DNPEP: variants seen among roughly 807,000 people sequenced by gnomAD.
DNPEP encodes aspartyl aminopeptidase.
In DNPEP, 46 loss-of-function variants were observed where a neutral mutation model predicts 59.1. The observed-to-expected ratio is 0.78, with a 90% confidence interval of 0.61 to 0.99. The LOEUF (loss-of-function observed/expected upper bound fraction) is 0.99. Ranked by LOEUF, DNPEP falls within the 50% of genes least tolerant of loss-of-function variation. The pLI is 0.00. For synonymous variants in DNPEP, 229 were observed against 242.2 expected (o/e 0.95, Z 0.50); for missense variants, 617 against 649.9 (o/e 0.95, Z 0.55).
upstream of DNPEP, among the ~76,000 whole-genome samples, chr2:219,389,288 C>T: frequency 6.6e-6 from 1 of 152,144 alleles, no homozygotes. Context: ...GATCAGGACT[C>T]TTGGTGGCCT....
In DNPEP at chr2:219,374,884, C is replaced by G; in HGVS notation, c.1378G>C (p.Gly460Arg). 1.2e-6 allele frequency: 2 copies of G among 1,614,184 alleles called. No homozygotes were observed. The highest frequency in any genetic ancestry group is 1.3e-5 in the African/African-American group (1 of 75,046). Residue 460 changes from glycine to arginine, a missense_variant, in exon 14 of 15, where the codon GGA becomes CGA. By Grantham distance (125) the Gly-to-Arg change is moderately radical (BLOSUM62 -2). Transcript: ENST00000273075. ...HSIREMACTT[G>R]VLQTLTLFKG... is the part of the protein sequence containing the mutation. ...AAGAGGGTGAGGGTCTGGAGGACTCCTGTGGTGCAGGCCATCTCCCGGATA... is the reference window on the plus strand; with the variant it reads ...AAGAGGGTGAGGGTCTGGAGGACTCGTGTGGTGCAGGCCATCTCCCGGATA...
At chr2:219,375,316 A>G (rs1264858173) in intron 13 of DNPEP, among the ~76,000 whole-genome samples, 1 of 152,302 alleles carries the variant, frequency 6.6e-6, no homozygotes, top group East Asian at 1.9e-4. Flanking sequence ...CACTCACAGA[A>G]AAAAATCACT....
At chr2:219,386,533 G>T in intron 4 of DNPEP, 122 bp from the exon 5 acceptor site, 1 of 1,490,440 alleles carries the variant, frequency 6.7e-7, no homozygotes, top group East Asian at 2.3e-5. Context: ...AAGGTGTGAA[G>T]GAAGGGGCCA....
At chr2:219,383,243 A>G in intron 9 of DNPEP, 29 bp from the exon 10 acceptor site, 2 of 1,600,846 alleles carry the variant, frequency 1.2e-6, no homozygotes, top group Non-Finnish European at 1.7e-6. Flanking sequence ...TGAGAGCATC[A>G]TCTCCAACCT....
In DNPEP at chr2:219,382,121, G is replaced by A; in HGVS notation, c.955C>T (p.Gln319Ter). 6.2e-7 allele frequency: 1 copy of A among 1,611,836 alleles called. No individual in the cohort carries two copies. The highest frequency in any genetic ancestry group is 8.5e-7 in the Non-Finnish European group (1 of 1,180,016). ...DNEEVGSESAQGAQSLLTELV... is the reference protein window; with the variant it reads ...DNEEVGSESA Reference sequence around the variant, plus strand: ...TCTGTCAGCAGTGACTGTGCTCCCTGTGCACTCTCAGACCCCACCTGGCGA... The same window carrying A: ...TCTGTCAGCAGTGACTGTGCTCCCTATGCACTCTCAGACCCCACCTGGCGA... The change falls in exon 11 of 15, where the codon CAG (glutamine) becomes TAG (stop). Residue 319 changes from glutamine (Q) to a stop codon, truncating the protein, a stop_gained. Transcript: ENST00000273075. LOFTEE classifies it high-confidence loss of function.
intron 1 of DNPEP, among the ~76,000 whole-genome samples, chr2:219,398,378 G>T (rs528172131): frequency 1.3e-5 from 2 of 152,202 alleles, no homozygotes; most frequent in African/African-American, 4.8e-5. Flanking sequence ...GGCCGGGCGC[G>T]TTGGCTCACG....
intron 6 of DNPEP, 43 bp from the exon 7 acceptor site, chr2:219,385,749 C>T: frequency 2.0e-6 from 3 of 1,532,696 alleles, no homozygotes; most frequent in Non-Finnish European, 2.7e-6. Flanking sequence ...GAGGAGGGCA[C>T]AGCTGAGTGC....
chr2:219,376,828 G>A (rs6709228), intron 13 of DNPEP, among the ~76,000 whole-genome samples: 50,688 of 152,050 alleles, frequency 0.33, 8,557 homozygotes, highest in Middle Eastern at 0.44. Flanking sequence ...ATGGGTCACT[G>A]TCAGGTCAAT....
In DNPEP at chr2:219,373,946, G is replaced by A. The variant is rs984131673; in HGVS notation, c.*346C>T. Reference sequence around the variant, plus strand: ...TCTGGGGATGGAAAGAGGGAAGACCGTTGAGGCCATTTCCCAGGTGGAGGA... The same window carrying A: ...TCTGGGGATGGAAAGAGGGAAGACCATTGAGGCCATTTCCCAGGTGGAGGA... On this transcript the variant is annotated 3_prime_UTR_variant, in exon 15 of 15. Transcript: ENST00000273075. 6.5e-5 allele frequency: 18 copies of A among 279,026 alleles called. No individual in the cohort carries two copies. The highest frequency in any genetic ancestry group is 1.1e-4 in the African/African-American group (5 of 46,838). 17.3% of individuals were successfully genotyped at this position (279,026 alleles called of 1,614,324 possible). A position where few individuals can be genotyped will look rare whatever the true frequency, so the allele number is the denominator to read the frequency against.
Position 219,372,427 on chromosome 2 carries a change from T to G in DNPEP, c.*1865A>C, listed in dbSNP as rs11680364. 0.9 allele frequency among the ~76,000 whole-genome samples: 137,292 copies of G among 152,116 alleles called. 63,628 individuals carry two copies. Among genetic ancestry groups the G allele is most frequent in the East Asian group, 1 (5,183 of 5,184 alleles). Reference sequence around the variant, plus strand: ...GTCGCCCAGGCTGGAGTGCAGTGGCTCAATCTTGGCTCACTGCAGCCTCTG... The same window carrying G: ...GTCGCCCAGGCTGGAGTGCAGTGGCGCAATCTTGGCTCACTGCAGCCTCTG... On this transcript the variant is annotated 3_prime_UTR_variant, in exon 15 of 15. Coordinates refer to ENST00000273075, the MANE Select transcript of DNPEP (RefSeq NM_012100.4).
chr2:219,376,235 C>T (rs1052608789), intron 13 of DNPEP, among the ~76,000 whole-genome samples: 1 of 152,130 alleles, frequency 6.6e-6, no homozygotes, highest in Admixed American at 6.6e-5. Flanking sequence ...CGCCTGTAAT[C>T]CCAGCACTTT....
rs750229257 is a variant in DNPEP, at chr2:219,387,799, C to T, written c.-5G>A. On this transcript the variant is annotated 5_prime_UTR_variant, in exon 1 of 15. Transcript: ENST00000273075. ...CGTGGGGCTGTGTCCGCTCATCTGGCCTCCGGGCTCGGCCCGCCCCCACCG... is the reference window on the plus strand; with the variant it reads ...CGTGGGGCTGTGTCCGCTCATCTGGTCTCCGGGCTCGGCCCGCCCCCACCG... 5 of 1,589,904 alleles carry T rather than the reference C, an allele frequency of 3.1e-6. No homozygotes were observed. The South Asian group carries it at 5.6e-5, about 18-fold the overall frequency.
At chr2:219,374,771 G>A (rs1007227354) in intron 14 of DNPEP, 84 bp downstream of exon 14, 13 of 1,482,992 alleles carry the variant, frequency 8.8e-6, no homozygotes, top group Non-Finnish European at 8.3e-6. Context: ...GTCACTTTGT[G>A]ATGGCGATGT....
upstream of DNPEP, among the ~76,000 whole-genome samples, chr2:219,392,853 C>T (rs1235878895): frequency 6.6e-6 from 1 of 152,198 alleles, no homozygotes; most frequent in African/African-American, 2.4e-5. Context: ...ATTCCTCACT[C>T]CTGTCTTCAT....
In DNPEP at chr2:219,386,750, A is replaced by G. The variant is rs1953858032; in HGVS notation, c.248T>C (p.Ile83Thr). 3.1e-6 allele frequency: 5 copies of G among 1,613,114 alleles called. No individual in the cohort carries two copies. The highest frequency in any genetic ancestry group is 4.2e-6 in the Non-Finnish European group (5 of 1,179,650). Residue 83 changes from isoleucine (I) to threonine (T), a missense_variant, in exon 4 of 15, where the codon ATC becomes ACC. Transcript: ENST00000273075. ...CTGGCCCCCTACAGCAAAAGCTATGATGGTGGAGGAGTTCCTGGTCATGAA... is the reference window on the plus strand; with the variant it reads ...CTGGCCCCCTACAGCAAAAGCTATGGTGGTGGAGGAGTTCCTGGTCATGAA... The part of the protein sequence containing the change: ...KYFMTRNSST[I>T]IAFAVGGQYV...
rs774214574 is a variant in DNPEP at position 219,381,359 on chromosome 2, G to A, written c.1215C>T (p.Ala405=). 3.2e-5 allele frequency: 52 copies of A among 1,613,946 alleles called. No homozygotes were observed. The highest frequency in any genetic ancestry group is 5.0e-5 in the Admixed American group (3 of 60,008). ...AVSEALIREV[A]NKVKVPLQDL... is the part of the protein sequence containing the mutation. ...CCTGCAGGGGGACCTTGACTTTGTT[G>A]GCCACCTCTCGGATCAGGGCCTCTG... The change falls in exon 13 of 15, where the codon GCC becomes GCT. Residue 405 remains alanine (A), a synonymous_variant. Coordinates refer to ENST00000273075, the MANE Select transcript of DNPEP (RefSeq NM_012100.4).
intron 1 of DNPEP, among the ~76,000 whole-genome samples, chr2:219,395,207 C>T (rs532157766): frequency 2.6e-5 from 4 of 152,294 alleles, no homozygotes; most frequent in African/African-American, 4.8e-5. Context: ...CTCAGCCTCC[C>T]GAAGTGCTGG....
chr2:219,385,387 G>A, intron 8 of DNPEP, 37 bp downstream of exon 8: 5 of 1,477,796 alleles, frequency 3.4e-6, no homozygotes, highest in Non-Finnish European at 4.7e-6. Context: ...GGATCCTGGA[G>A]GCCCTTCACC....
chr2:219,387,615 G>A, intron 1 of DNPEP, 144 bp downstream of exon 1: 1 of 1,540,472 alleles, frequency 6.5e-7, no homozygotes, highest in Non-Finnish European at 8.8e-7. Flanking sequence ...TCCCGGGAAA[G>A]TCGTCAGGTC....
Sources: allele counts gnomAD v4.1 joint callset (sites outside exome capture counted in the v4.1 genomes callset), GRCh38; gene constraint gnomAD v4.1.1; transcripts MANE v1.5; gene names NCBI Gene and HGNC (gene_info 2026-07-23, HGNC 2026-07-21).